ANKRD18A: variants seen among roughly 807,000 people sequenced by gnomAD.
ANKRD18A encodes the protein ankyrin repeat domain 18A, also known as ankyrin repeat domain-containing protein 18A.
In ANKRD18A, 72 loss-of-function variants were observed where a neutral mutation model predicts 110.6. The observed-to-expected ratio is 0.65, with a 90% CI of 0.54 to 0.79. The LOEUF (loss-of-function observed/expected upper bound fraction) is 0.79, where lower values mean the gene tolerates loss of function less well. ANKRD18A is among the 30% of genes least tolerant of loss of function. The pLI is 0.00. For missense variants in ANKRD18A, 934 were observed against 1,163.3 expected (o/e 0.80, Z 2.87); for synonymous variants, 305 against 410.3 (o/e 0.74, Z 3.10).
intron 15 of ANKRD18A, among the ~76,000 whole-genome samples, chr9:38,573,809 CAA>C (rs778268130): frequency 7.2e-5 from 11 of 151,852 alleles, no homozygotes; most frequent in Non-Finnish European, 1.6e-4. Context: ...CTGTCCTTTA[CAA>C]AAGTTTAATC....
downstream of ANKRD18A, among the ~76,000 whole-genome samples, chr9:38,570,968 C>T (rs1823617797): frequency 6.6e-6 from 1 of 152,236 alleles, no homozygotes; most frequent in African/African-American, 2.4e-5. Context: ...TCCTGTGCTG[C>T]TGGGTCTCCC....
At chr9:38,613,140 T>C (rs1195843249) in intron 3 of ANKRD18A, among the ~76,000 whole-genome samples, 2 of 151,926 alleles carry the variant, frequency 1.3e-5, no homozygotes, top group Non-Finnish European at 1.5e-5. Flanking sequence ...ATGAAGGAGG[T>C]TACCTAAGTA....
At chr9:38,578,268 G>A in intron 12 of ANKRD18A, 120 bp from the exon 13 acceptor site, 1 of 979,624 alleles carries the variant, frequency 1.0e-6, no homozygotes, top group Non-Finnish European at 1.4e-6. Flanking sequence ...TAATGTAGTA[G>A]ATTCTTCAAA....
At chr9:38,601,991 G>GAAAAAAAA (rs66982362) in intron 7 of ANKRD18A, among the ~76,000 whole-genome samples, 1 of 79,630 alleles carries the variant, frequency 1.3e-5, no homozygotes, top group Non-Finnish European at 2.6e-5. Flanking sequence ...TCCAAAAACA[G>GAAAAAAAA]AAAAAAAAAA....
At chr9:38,590,980 G>T (rs1377778158) in intron 10 of ANKRD18A, among the ~76,000 whole-genome samples, 8 of 152,002 alleles carry the variant, frequency 5.3e-5, no homozygotes, top group African/African-American at 1.9e-4. Context: ...TTTTATTTAT[G>T]AGACAGAGCT....
At chr9:38,584,205 T>C (rs549674868) in intron 12 of ANKRD18A, among the ~76,000 whole-genome samples, 1 of 152,320 alleles carries the variant, frequency 6.6e-6, no homozygotes, top group Non-Finnish European at 1.5e-5. Context: ...TTCCTGGTCA[T>C]GAGAGAAGAA....
chr9:38,575,696 G>A lies in ANKRD18A; in HGVS notation c.2744C>T (p.Ser915Leu), dbSNP rs866752033. The A allele has an allele frequency of 1.2e-5, 19 of 1,548,606 alleles. No individual in the cohort carries two copies. The highest frequency in any genetic ancestry group is 2.7e-5 in the African/African-American group (2 of 72,846). ...NNSMSKKLMK[S>L]DKKIAVISTK... ...GCTGATCACTGCTATTTTCTTATCCGATCTGTAAAGAGAGCAAAGACAAAT... is the reference window on the plus strand; with the variant it reads ...GCTGATCACTGCTATTTTCTTATCCAATCTGTAAAGAGAGCAAAGACAAAT... Residue 915 changes from serine (S) to leucine (L), a missense_variant and splice_region_variant, in exon 15 of 16, where the codon TCG becomes TTG. By Grantham distance (145) the Ser-to-Leu change is moderately radical. This residue lies in a region of ANKRD18A where 223 missense variants were observed against 226.7 expected (regional missense o/e 0.98). Transcript: ENST00000399703.
chr9:38,620,572 A>C lies in ANKRD18A; in HGVS notation c.-287T>G. The C allele has an allele frequency of 9.9e-7, 1 of 1,008,094 alleles. No homozygotes were observed. The highest frequency in any genetic ancestry group is 1.3e-6 in the Non-Finnish European group (1 of 775,698). 62.4% of individuals were successfully genotyped at this position (1,008,094 alleles called of 1,614,324 possible). ...GCCGTTAGGCGCGCGCCTGAACCTCAGCGCTCCGAACTCTCAGACCGAGTG... is the reference window on the plus strand; with the variant it reads ...GCCGTTAGGCGCGCGCCTGAACCTCCGCGCTCCGAACTCTCAGACCGAGTG... On this transcript the variant is annotated 5_prime_UTR_variant, in exon 1 of 16. Transcript: ENST00000399703.
intron 10 of ANKRD18A, among the ~76,000 whole-genome samples, chr9:38,589,463 A>C (rs1400024446): frequency 6.6e-6 from 1 of 152,196 alleles, no homozygotes; most frequent in African/African-American, 2.4e-5. Context: ...AATTTAATTA[A>C]TTGTTCTGCC....
intron 12 of ANKRD18A, 54 bp downstream of exon 12, chr9:38,586,129 C>G: frequency 6.7e-7 from 1 of 1,483,516 alleles, no homozygotes; most frequent in East Asian, 2.5e-5. Flanking sequence ...AAACCTGTAC[C>G]TCTTACACAT....
intron 11 of ANKRD18A, among the ~76,000 whole-genome samples, chr9:38,588,013 A>G (rs1418000283): frequency 6.6e-6 from 1 of 152,196 alleles, no homozygotes; most frequent in Non-Finnish European, 1.5e-5. Flanking sequence ...ACTTGAACCC[A>G]GGTGGCAGAG....
In ANKRD18A at chr9:38,575,494, G is replaced by A; in HGVS notation, c.2946C>T (p.Cys982=). Residue 982 remains cysteine (C), a synonymous_variant, in exon 15 of 16, where the codon TGC becomes TGT. Coordinates refer to ENST00000399703, the MANE Select transcript of ANKRD18A (RefSeq NM_147195.4). ...PTSNPQTSNN[C]KNFLTEVLLC ...AACTAACCTCAGTCAAGAAGTTCTT[G>A]CAGTTATTTGAAGTCTGTGGGTTTG... 1 of 1,551,320 alleles carries A rather than the reference G, an allele frequency of 6.4e-7. No individual in the cohort carries two copies.
chr9:38,584,174 A>G (rs1237004381), intron 12 of ANKRD18A, among the ~76,000 whole-genome samples: 1 of 152,106 alleles, frequency 6.6e-6, no homozygotes, highest in Non-Finnish European at 1.5e-5. Flanking sequence ...TCACCCTTCA[A>G]TGGGTCCACA....
intron 12 of ANKRD18A, among the ~76,000 whole-genome samples, chr9:38,583,259 GCTC>G: frequency 6.6e-6 from 1 of 152,200 alleles, no homozygotes; most frequent in East Asian, 1.9e-4. Context: ...CAAACTGTCA[GCTC>G]CTCAAAAGGT....
chr9:38,616,367 C>T (rs891548605), intron 1 of ANKRD18A, among the ~76,000 whole-genome samples: 1 of 152,222 alleles, frequency 6.6e-6, no homozygotes, highest in African/African-American at 2.4e-5. Flanking sequence ...CAGCAGCTAG[C>T]TCACAGGACA....
intron 8 of ANKRD18A, among the ~76,000 whole-genome samples, chr9:38,599,589 C>T (rs182705269): frequency 1.4e-4 from 22 of 151,986 alleles, no homozygotes; most frequent in South Asian, 2.1e-4. Flanking sequence ...CTCAGCCTCC[C>T]GAGTAGCTGG....
rs556857322 is a variant in ANKRD18A at position 38,610,405 on chromosome 9, G to A, written c.608C>T (p.Ala203Val). Residue 203 changes from alanine (A) to valine (V), a missense_variant, in exon 5 of 16, where the codon GCC becomes GTC. Physicochemically the swap from Ala to Val is moderately conservative, Grantham distance 64 (BLOSUM62 0). Coordinates refer to ENST00000399703, the MANE Select transcript of ANKRD18A (RefSeq NM_147195.4). Reference protein sequence around the residue: ...IHAVDNFKRTALILAVQHNLS... With the variant: ...IHAVDNFKRTVLILAVQHNLS... The stretch of plus-strand genomic sequence containing the variant: ...GTTATGCTGTACTGCAAGTATGAGG[G>A]CTGTTCTAAAATAATAAAGAAATAA... The A allele has an allele frequency of 2.6e-6, 4 of 1,540,284 alleles. No homozygotes were observed. The South Asian group carries it at 3.7e-5, about 14-fold the overall frequency.
intron 10 of ANKRD18A, among the ~76,000 whole-genome samples, chr9:38,592,332 T>G (rs1460608097): frequency 1.3e-5 from 2 of 152,240 alleles, no homozygotes; most frequent in Non-Finnish European, 2.9e-5. Context: ...AAATTTATGT[T>G]AAGACAAAAT....
chr9:38,595,930 C>A lies in ANKRD18A; in HGVS notation c.1410G>T (p.Glu470Asp). 3.9e-6 allele frequency: 6 copies of A among 1,551,048 alleles called. No individual in the cohort carries two copies. The highest frequency in any genetic ancestry group is 5.2e-6 in the Non-Finnish European group (6 of 1,146,634). ...SNISQLTDKNELLTEQVHKAR... is the reference protein window; with the variant it reads ...SNISQLTDKNDLLTEQVHKAR... ...CTTTATGGACCTGTTCAGTAAGCAACTCATTCTTATCTGTTAGTTGAGAAA... is the reference window on the plus strand; with the variant it reads ...CTTTATGGACCTGTTCAGTAAGCAAATCATTCTTATCTGTTAGTTGAGAAA... Residue 470 changes from glutamate to aspartate, a missense_variant, in exon 9 of 16, where the codon GAG becomes GAT. Physicochemically the swap from Glu to Asp is conservative, Grantham distance 45 (BLOSUM62 2). Transcript: ENST00000399703.
Sources: allele counts gnomAD v4.1 joint callset (sites outside exome capture counted in the v4.1 genomes callset), GRCh38; gene constraint gnomAD v4.1.1; regional missense constraint gnomAD v4.1.1; transcripts MANE v1.5; gene names NCBI Gene and HGNC (gene_info 2026-07-23, HGNC 2026-07-21).